LINGO2: variants seen among roughly 807,000 people sequenced by gnomAD.
LINGO2 encodes the protein leucine-rich repeat and immunoglobulin-like domain-containing nogo receptor-interacting protein 2.
A neutral mutation model predicts 30.6 loss-of-function variants in LINGO2; 14 were observed. That is an observed-to-expected ratio of 0.46 (90% CI 0.30 to 0.72). The LOEUF (loss-of-function observed/expected upper bound fraction) is 0.72, where lower values mean the gene tolerates loss of function less well. LINGO2 is among the 30% of genes least tolerant of loss of function. LINGO2 has a pLI of 0.07. For synonymous variants in LINGO2, 317 were observed against 288.5 expected, an observed-to-expected ratio of 1.10 and a Z score of -1.00; for missense variants, 729 against 751.7, an observed-to-expected ratio of 0.97 and a Z score of 0.35.
At position 28,542,474 on chromosome 9, in the gene LINGO2, G is replaced by A. The variant is rs552737354; in HGVS notation, c.-364-66449C>T. Reference sequence around the variant, plus strand: ...TTAATGATTATTGTAGTGAATTGCGGATTTCTTCCCTTACCTAAAGGCATT... The same window carrying A: ...TTAATGATTATTGTAGTGAATTGCGAATTTCTTCCCTTACCTAAAGGCATT... On this transcript the variant is annotated intron_variant, in intron 1 of 5. Transcript: ENST00000379992. 2.6e-5 allele frequency among the ~76,000 whole-genome samples: 4 copies of A among 152,080 alleles called. No homozygotes were observed. The East Asian group carries it at 7.7e-4, about 29-fold the overall frequency.
intron 1 of LINGO2, among the ~76,000 whole-genome samples, chr9:28,485,504 G>T (rs993014261): frequency 6.6e-6 from 1 of 152,062 alleles, no homozygotes; most frequent in Non-Finnish European, 1.5e-5. Context: ...TCAGAGGAGA[G>T]AAAGCTCATT....
the LINGO2 span, among the ~76,000 whole-genome samples, chr9:28,793,387 T>C: frequency 1.3e-5 from 2 of 152,214 alleles, no homozygotes; most frequent in African/African-American, 2.4e-5. Flanking sequence ...ACATTTTCCA[T>C]AGTCTGCGCA....
the LINGO2 span, among the ~76,000 whole-genome samples, chr9:28,794,925 G>A: frequency 1.3e-5 from 2 of 151,532 alleles, no homozygotes; most frequent in African/African-American, 4.9e-5. Flanking sequence ...GCGCCTCCCA[G>A]GTTCAAGCGA....
At chr9:28,048,932 C>A (rs1179211488) in intron 4 of LINGO2, among the ~76,000 whole-genome samples, 2 of 150,594 alleles carry the variant, frequency 1.3e-5, no homozygotes, top group Non-Finnish European at 2.9e-5. Context: ...CCGAGTGTAA[C>A]AAAGCAAATG....
intron 4 of LINGO2, among the ~76,000 whole-genome samples, chr9:28,050,080 T>C (rs948215479): frequency 1.3e-5 from 2 of 150,446 alleles, no homozygotes; most frequent in Admixed American, 1.3e-4. Context: ...AGGTAGGGCT[T>C]TGTGATTAGA....
intron 1 of LINGO2, among the ~76,000 whole-genome samples, chr9:28,632,240 A>G (rs1031503752): frequency 6.6e-6 from 1 of 152,134 alleles, no homozygotes; most frequent in African/African-American, 2.4e-5. Context: ...ACAGAATTGC[A>G]TACGTTAAAG....
At chr9:28,646,866 GAT>G (rs1827865855) in intron 1 of LINGO2, among the ~76,000 whole-genome samples, 1 of 152,042 alleles carries the variant, frequency 6.6e-6, no homozygotes, top group South Asian at 2.1e-4. Flanking sequence ...AATTCTAATT[GAT>G]ACTTTAGTGT....
chr9:28,635,772 C>A (rs952581860), intron 1 of LINGO2, among the ~76,000 whole-genome samples: 3 of 151,872 alleles, frequency 2.0e-5, no homozygotes, highest in Admixed American at 1.3e-4. Flanking sequence ...TTAATATGAT[C>A]CAATTCAGAT....
intron 5 of LINGO2, among the ~76,000 whole-genome samples, chr9:27,996,564 T>C (rs1403736028): frequency 6.6e-6 from 1 of 152,074 alleles, no homozygotes. Flanking sequence ...AATTATCTCA[T>C]GGAGGTAGTA....
intron 1 of LINGO2, among the ~76,000 whole-genome samples, chr9:28,528,991 C>T (rs1023198963): frequency 5.9e-5 from 9 of 152,086 alleles, no homozygotes; most frequent in Admixed American, 2.6e-4. Context: ...GGAATAGTTC[C>T]CTGGTATTCT....
chr9:28,793,444 G>C, the LINGO2 span, among the ~76,000 whole-genome samples: 6,300 of 152,226 alleles, frequency 0.041, 197 homozygotes, highest in Admixed American at 0.08. Context: ...CTTTTGCGGA[G>C]AGTTGTTATT....
At chr9:28,040,155 T>C (rs1028175545) in intron 4 of LINGO2, among the ~76,000 whole-genome samples, 15 of 147,478 alleles carry the variant, frequency 1.0e-4, no homozygotes, top group African/African-American at 3.8e-4. Context: ...AATTTTGCCT[T>C]CTTTATTTTT....
the LINGO2 span, among the ~76,000 whole-genome samples, chr9:28,869,858 A>G: frequency 6.6e-6 from 1 of 151,570 alleles, no homozygotes; most frequent in East Asian, 1.9e-4. Context: ...AAGATTCAGT[A>G]CCCTATGGGC....
chr9:28,546,928 C>A lies in LINGO2; in HGVS notation c.-364-70903G>T, dbSNP rs56751202. ...TGACCGAACTCTCAAAGTCTTTTAA[C>A]CTTTCCCCTAAGTTGCATTGAAAGT... On this transcript the variant is annotated intron_variant, in intron 1 of 5. Transcript: ENST00000379992. Among the ~76,000 whole-genome samples the A allele has an allele frequency of 7.5e-3, 1,143 of 152,192 alleles. 36 individuals carry two copies. The East Asian group carries it at 0.093, about 12-fold the overall frequency.
intron 2 of LINGO2, among the ~76,000 whole-genome samples, chr9:28,429,241 G>A (rs1823543735): frequency 6.6e-6 from 1 of 152,098 alleles, no homozygotes; most frequent in African/African-American, 2.4e-5. Flanking sequence ...CAAAGACACT[G>A]TGCATTAATA....
the LINGO2 span, among the ~76,000 whole-genome samples, chr9:29,018,091 T>TTATA: frequency 0.038 from 885 of 23,208 alleles, 5 homozygotes; most frequent in African/African-American, 0.063. Context: ...AATATACATT[T>TTATA]TATATATATA....
At chr9:28,484,625 A>G (rs1826099129) in intron 1 of LINGO2, among the ~76,000 whole-genome samples, 1 of 152,076 alleles carries the variant, frequency 6.6e-6, no homozygotes, top group Non-Finnish European at 1.5e-5. Context: ...TCCTTTTAAA[A>G]TACATTGAAC....
At chr9:28,690,805 C>A in the LINGO2 span, among the ~76,000 whole-genome samples, 2 of 152,158 alleles carry the variant, frequency 1.3e-5, no homozygotes, top group African/African-American at 4.8e-5. Context: ...CTCATTCTAA[C>A]AATTCACTCT....
At chr9:28,956,588 C>G in the LINGO2 span, among the ~76,000 whole-genome samples, 1 of 55,708 alleles carries the variant, frequency 1.8e-5, no homozygotes, top group Non-Finnish European at 4.4e-5. Context: ...CCCTCCCTCC[C>G]CCTTTCCTTC....
Sources: gnomAD v4.1 joint callset for allele counts (sites outside exome capture counted in the v4.1 genomes callset) on GRCh38, gnomAD v4.1.1 for gene constraint, MANE v1.5 for transcripts, NCBI Gene and HGNC (gene_info 2026-07-23, HGNC 2026-07-21) for gene names.